AK5: variants seen among roughly 807,000 people sequenced by gnomAD.
The protein encoded by AK5 is adenylate kinase isoenzyme 5.
Under a neutral mutation model 69.5 loss-of-function variants are expected in AK5, and 27 were observed. The ratio of observed to expected loss-of-function variants is 0.39; its 90% CI spans 0.29 to 0.54. The LOEUF (loss-of-function observed/expected upper bound fraction) is 0.54, where lower values mean the gene tolerates loss of function less well. Among genes scored for constraint, AK5 ranks in the 20% least tolerant of loss-of-function variants. The pLI is 0.71. For missense variants in AK5, 531 were observed against 700.4 expected, an observed-to-expected ratio of 0.76 and a Z score of 2.73; for synonymous variants, 260 against 244.4, an observed-to-expected ratio of 1.06 and a Z score of -0.60.
chr1:77,368,226 TA>T (rs1416218922), intron 6 of AK5, among the ~76,000 whole-genome samples: 2 of 29,990 alleles, frequency 6.7e-5, no homozygotes, highest in Non-Finnish European at 1.3e-4. Flanking sequence ...TATATATATA[TA>T]TATATATATA....
chr1:77,307,208 T>A (rs1021299198), intron 5 of AK5, among the ~76,000 whole-genome samples: 1 of 151,840 alleles, frequency 6.6e-6, no homozygotes, highest in Non-Finnish European at 1.5e-5. Context: ...TTGAAGTCTT[T>A]CCTGTTTTTT....
chr1:77,368,439 A>G (rs868148305), intron 6 of AK5, among the ~76,000 whole-genome samples: 21 of 146,862 alleles, frequency 1.4e-4, no homozygotes, highest in African/African-American at 3.2e-4. Flanking sequence ...TGTACATGAA[A>G]CAAGGTTTGT....
chr1:77,505,364 G>C (rs1415200367), intron 10 of AK5, among the ~76,000 whole-genome samples: 3 of 152,206 alleles, frequency 2.0e-5, no homozygotes, highest in Non-Finnish European at 4.4e-5. Context: ...CCAAAGAGGT[G>C]AGATATCAGA....
intron 8 of AK5, among the ~76,000 whole-genome samples, chr1:77,439,965 T>C (rs1216110907): frequency 6.6e-6 from 1 of 152,150 alleles, no homozygotes; most frequent in Non-Finnish European, 1.5e-5. Context: ...GTTTTGTATA[T>C]CCTTTGTTCT....
chr1:77,282,194 A>C lies in AK5; in HGVS notation c.-120A>C. 6 of 890,088 alleles carry C rather than the reference A, an allele frequency of 6.7e-6. No homozygotes were observed. Among genetic ancestry groups the C allele is most frequent in the Non-Finnish European group, 9.9e-6 (6 of 608,458 alleles). The allele number at this position is 890,088 out of a possible 1,614,324, so 55.1% of individuals were successfully genotyped here. On this transcript the variant is annotated 5_prime_UTR_variant, in exon 1 of 14. Coordinates refer to ENST00000354567, the MANE Select transcript of AK5 (RefSeq NM_174858.3). ...GGAGAGGCTGAGCTGAGTGCGCGTGAGAAAGAGGGCTGCACCGCTGCTCGG... is the reference window on the plus strand; with the variant it reads ...GGAGAGGCTGAGCTGAGTGCGCGTGCGAAAGAGGGCTGCACCGCTGCTCGG...
In AK5 at chr1:77,558,927, T is replaced by TATCA. The variant is rs1181125506; in HGVS notation, c.*258_*261dup. ...CTGCACTCACGGCACACACACTTTG[T>TATCA]ATCATGCAGGCCACACTCAGAGCTA... On this transcript the variant is annotated 3_prime_UTR_variant, in exon 14 of 14. Coordinates refer to ENST00000354567, the MANE Select transcript of AK5 (RefSeq NM_174858.3). 8 of 392,388 alleles carry TATCA rather than the reference T, an allele frequency of 2.0e-5. No homozygotes were observed. The highest frequency in any genetic ancestry group is 3.3e-5 in the Non-Finnish European group (7 of 211,172). 24.3% of individuals were successfully genotyped at this position (392,388 alleles called of 1,614,324 possible). A position where few individuals can be genotyped will look rare whatever the true frequency, so the allele number is the denominator to read the frequency against.
chr1:77,494,870 C>T (rs1401042186), intron 10 of AK5, among the ~76,000 whole-genome samples: 1 of 151,896 alleles, frequency 6.6e-6, no homozygotes, highest in Admixed American at 6.6e-5. Flanking sequence ...CAAGCTCCGC[C>T]TCCCAGGTTC....
chr1:77,427,412 G>C (rs944584189), intron 8 of AK5, among the ~76,000 whole-genome samples: 2 of 152,030 alleles, frequency 1.3e-5, no homozygotes, highest in African/African-American at 2.4e-5. Flanking sequence ...CCAATTCTTT[G>C]AAAGACACAG....
chr1:77,478,480 T>C (rs1175722251), intron 8 of AK5, among the ~76,000 whole-genome samples: 1 of 152,204 alleles, frequency 6.6e-6, no homozygotes, highest in Non-Finnish European at 1.5e-5. Context: ...CCACATAAGA[T>C]GTGACTTGCT....
chr1:77,474,230 T>C (rs1654693736), intron 8 of AK5, among the ~76,000 whole-genome samples: 1 of 152,220 alleles, frequency 6.6e-6, no homozygotes, highest in African/African-American at 2.4e-5. Flanking sequence ...TCCTGAGCCC[T>C]TCTCAGGCTG....
chr1:77,374,117 A>T (rs1647178898), intron 6 of AK5, among the ~76,000 whole-genome samples: 2 of 152,214 alleles, frequency 1.3e-5, no homozygotes, highest in Non-Finnish European at 2.9e-5. Flanking sequence ...CTGAAATTAG[A>T]TTGGTATCTC....
chr1:77,456,067 G>A (rs981633314), intron 8 of AK5, among the ~76,000 whole-genome samples: 2 of 152,192 alleles, frequency 1.3e-5, no homozygotes, highest in Admixed American at 6.5e-5. Flanking sequence ...GCCTAGGATT[G>A]TGCAGTTTCC....
intron 6 of AK5, among the ~76,000 whole-genome samples, chr1:77,407,989 T>A (rs1223906431): frequency 6.6e-6 from 1 of 152,220 alleles, no homozygotes; most frequent in Non-Finnish European, 1.5e-5. Flanking sequence ...TGTGTCTTAT[T>A]CCATGATGTA....
intron 8 of AK5, among the ~76,000 whole-genome samples, chr1:77,471,945 G>A (rs1474400584): frequency 2.6e-5 from 4 of 152,166 alleles, no homozygotes; most frequent in African/African-American, 7.2e-5. Flanking sequence ...AACATGCTGA[G>A]TTAAGTTATG....
chr1:77,470,826 AATATATATATATAT>A lies in AK5; in HGVS notation c.1060-12454_1060-12441del, dbSNP rs71075744. Among the ~76,000 whole-genome samples, 87 of 51,122 alleles carry A rather than the reference AATATATATATATAT, an allele frequency of 1.7e-3. 3 individuals are homozygous for A. Among genetic ancestry groups the A allele is most frequent in the African/African-American group, 3.4e-3 (42 of 12,402 alleles). 33.5% of individuals were successfully genotyped at this position (51,122 alleles called of 152,430 possible). A position where few individuals can be genotyped will look rare whatever the true frequency, so the allele number is the denominator to read the frequency against. ...TTTCTCATTTTAATGGCACATTTAG[AATATATATATATAT>A]ATATATATATATATATATATATATA... On this transcript the variant is annotated intron_variant, in intron 8 of 13. Transcript: ENST00000354567.
At position 77,482,770 on chromosome 1, in the gene AK5, CAA is replaced by C. The variant is rs11350511; in HGVS notation, c.1060-533_1060-532del. On this transcript the variant is annotated intron_variant, in intron 8 of 13. Transcript: ENST00000354567. The stretch of plus-strand genomic sequence containing the variant: ...TGGGCAACAGGGCGAGACTATGTCT[CAA>C]AAAAAAAAAAAAATGGTAGTTGCTA... 0.022 allele frequency among the ~76,000 whole-genome samples: 2,983 copies of C among 133,508 alleles called. 404 individuals are homozygous for C. The East Asian group carries it at 0.42, about 19-fold the overall frequency. 87.6% of individuals were successfully genotyped at this position (133,508 alleles called of 152,430 possible).
chr1:77,486,387 A>G lies in AK5; in HGVS notation c.1147+35A>G, dbSNP rs759646314. 5.3e-6 allele frequency: 8 copies of G among 1,505,630 alleles called. No homozygotes were observed. In the African/African-American group the frequency reaches 5.5e-5, roughly 10 times the overall value. The allele number at this position is 1,505,630 out of a possible 1,614,324, so 93.3% of individuals were successfully genotyped here. ...AGCCCTTGCATTTTCTAACAATACA[A>G]TTGCTAATAATAAGAATTTGGTAGT... On this transcript the variant is annotated intron_variant, in intron 10 of 13. Transcript: ENST00000354567.
At chr1:77,462,038 T>C (rs1157210595) in intron 8 of AK5, among the ~76,000 whole-genome samples, 1 of 152,266 alleles carries the variant, frequency 6.6e-6, no homozygotes, top group Non-Finnish European at 1.5e-5. Context: ...TGAAAAGTTT[T>C]CTTTATAGAA....
chr1:77,502,524 T>C (rs1422488498), intron 10 of AK5, among the ~76,000 whole-genome samples: 1 of 152,182 alleles, frequency 6.6e-6, no homozygotes, highest in Non-Finnish European at 1.5e-5. Context: ...AGGTTTAATT[T>C]TTTACAAAGA....
Sources: allele counts gnomAD v4.1 joint callset (sites outside exome capture counted in the v4.1 genomes callset), GRCh38; gene constraint gnomAD v4.1.1; transcripts MANE v1.5; gene names NCBI Gene and HGNC (gene_info 2026-07-23, HGNC 2026-07-21).